Variants in SCHIP1 observed in about 807,000 individuals in gnomAD.
SCHIP1 encodes schwannomin interacting protein 1, also known as schwannomin-interacting protein 1.
In SCHIP1, 8 loss-of-function variants were observed where a neutral mutation model predicts 29.7. The observed-to-expected ratio is 0.27, with a 90% CI of 0.16 to 0.49. The LOEUF is 0.49. Among genes scored for constraint, SCHIP1 ranks in the 20% least tolerant of loss-of-function variants. The probability of loss-of-function intolerance (pLI) is 0.99; values close to 1 mark genes in which losing one functional copy is unlikely to be tolerated. For synonymous variants in SCHIP1, 76 were observed against 94.9 expected, an observed-to-expected ratio of 0.80 and a Z score of 1.16; for missense variants, 193 against 294.6, an observed-to-expected ratio of 0.66 and a Z score of 2.52.
At chr3:159,385,834 A>G in the SCHIP1 span, among the ~76,000 whole-genome samples, 1 of 152,046 alleles carries the variant, frequency 6.6e-6, no homozygotes, top group Admixed American at 6.6e-5. Flanking sequence ...TCCTAATGCT[A>G]TCCCTCCCCT....
At chr3:159,636,198 C>T in the SCHIP1 span, among the ~76,000 whole-genome samples, 1 of 152,180 alleles carries the variant, frequency 6.6e-6, no homozygotes, top group Non-Finnish European at 1.5e-5. Context: ...CAGGCATGTG[C>T]CACCATGCCC....
At chr3:159,798,330 G>A in the SCHIP1 span, among the ~76,000 whole-genome samples, 4 of 152,196 alleles carry the variant, frequency 2.6e-5, no homozygotes, top group African/African-American at 9.7e-5. Flanking sequence ...TAAAATGGGA[G>A]TATTAATACT....
At chr3:159,291,028 A>G in the SCHIP1 span, among the ~76,000 whole-genome samples, 49,919 of 151,988 alleles carry the variant, frequency 0.33, 9,082 homozygotes, top group Non-Finnish European at 0.42. Context: ...TAGTGCACCT[A>G]GTTTGTGGTC....
At chr3:159,675,254 C>T in the SCHIP1 span, among the ~76,000 whole-genome samples, 1 of 152,168 alleles carries the variant, frequency 6.6e-6, no homozygotes, top group Non-Finnish European at 1.5e-5. Context: ...TGGAAAATCC[C>T]ATGTTTGCTA....
the SCHIP1 span, among the ~76,000 whole-genome samples, chr3:159,541,281 A>G: frequency 6.6e-6 from 1 of 152,078 alleles, no homozygotes; most frequent in Non-Finnish European, 1.5e-5. Flanking sequence ...TGTGTTTTGG[A>G]GGCTCATAAA....
At chr3:159,274,091 T>G in the SCHIP1 span, 2 of 985,044 alleles carry the variant, frequency 2.0e-6, no homozygotes, top group African/African-American at 3.5e-5. Context: ...ATGTGGATAT[T>G]TGGTGCTTTG....
At chr3:159,431,851 T>TATCATTCA in the SCHIP1 span, among the ~76,000 whole-genome samples, 1 of 152,074 alleles carries the variant, frequency 6.6e-6, no homozygotes, top group Non-Finnish European at 1.5e-5. Context: ...TTTTCTTATT[T>TATCATTCA]ATCATTCATG....
the SCHIP1 span, among the ~76,000 whole-genome samples, chr3:159,613,454 ATTTGT>A: frequency 2.0e-5 from 3 of 152,348 alleles, no homozygotes; most frequent in East Asian, 5.8e-4. Context: ...TTTTGTCAAA[ATTTGT>A]TTTCTCTAAT....
the SCHIP1 span, among the ~76,000 whole-genome samples, chr3:159,679,106 C>A: frequency 6.6e-6 from 1 of 152,102 alleles, no homozygotes; most frequent in African/African-American, 2.4e-5. Context: ...TCTCACAAAG[C>A]GTGACTTTAG....
chr3:159,375,689 A>G, the SCHIP1 span: 18 of 447,732 alleles, frequency 4.0e-5, no homozygotes, highest in African/African-American at 3.7e-4. Flanking sequence ...GTGAGCCGAG[A>G]TCATGCCATT....
At chr3:159,738,117 T>G in the SCHIP1 span, among the ~76,000 whole-genome samples, 1 of 152,192 alleles carries the variant, frequency 6.6e-6, no homozygotes, top group Non-Finnish European at 1.5e-5. Context: ...AAATGAAATA[T>G]TTATGGTTTT....
At chr3:159,469,927 A>G in the SCHIP1 span, among the ~76,000 whole-genome samples, 3 of 152,206 alleles carry the variant, frequency 2.0e-5, no homozygotes, top group Non-Finnish European at 4.4e-5. Context: ...GAATTCAACA[A>G]TGTTCATTAA....
chr3:159,373,788 T>TAC, the SCHIP1 span, among the ~76,000 whole-genome samples: 31 of 152,150 alleles, frequency 2.0e-4, no homozygotes, highest in South Asian at 3.9e-3. Context: ...TATATGTATA[T>TAC]ACACACACAC....
the SCHIP1 span, among the ~76,000 whole-genome samples, chr3:159,337,276 A>C: frequency 1.9e-4 from 29 of 152,160 alleles, no homozygotes; most frequent in African/African-American, 7.0e-4. Flanking sequence ...ATTCCCTTTG[A>C]AAACTGGCAC....
At chr3:159,856,457 A>G (rs1161152653) in intron 1 of SCHIP1, among the ~76,000 whole-genome samples, 1 of 152,116 alleles carries the variant, frequency 6.6e-6, no homozygotes, top group Admixed American at 6.5e-5. Flanking sequence ...TTATGTGTAC[A>G]TTCTTGGGGC....
chr3:159,322,026 T>C, the SCHIP1 span, among the ~76,000 whole-genome samples: 184 of 152,088 alleles, frequency 1.2e-3, no homozygotes, highest in African/African-American at 4.3e-3. Context: ...TGGAAAGCAG[T>C]ATTACAGGCT....
At chr3:159,778,322 T>TA in the SCHIP1 span, among the ~76,000 whole-genome samples, 9,505 of 152,136 alleles carry the variant, frequency 0.062, 954 homozygotes, top group African/African-American at 0.21. Context: ...AGTTTTTTTT[T>TA]AAAAAACTTA....
chr3:159,643,926 G>C, the SCHIP1 span, among the ~76,000 whole-genome samples: 1 of 152,024 alleles, frequency 6.6e-6, no homozygotes, highest in Admixed American at 6.6e-5. Context: ...ACAGGACAGC[G>C]AGCACCACTC....
chr3:159,401,492 A>ACAGGAT, the SCHIP1 span: 2 of 309,738 alleles, frequency 6.5e-6, no homozygotes, highest in African/African-American at 4.5e-5. Flanking sequence ...CCCTAATACC[A>ACAGGAT]ACCCTGTGTG....
Sources: allele counts gnomAD v4.1 joint callset (sites outside exome capture counted in the v4.1 genomes callset), GRCh38; gene constraint gnomAD v4.1.1; transcripts MANE v1.5; gene names NCBI Gene and HGNC (gene_info 2026-07-23, HGNC 2026-07-21).